The following SLC35F4 variants were observed in gnomAD, a reference collection of about 807,000 sequenced individuals.
SLC35F4 encodes solute carrier family 35 member F4.
In SLC35F4, 24 loss-of-function variants were observed where a neutral mutation model predicts 44.2. The observed-to-expected ratio is 0.54, with a 90% CI of 0.39 to 0.76. The LOEUF is 0.76. SLC35F4 is among the 30% of genes least tolerant of loss of function. The pLI is 0.00. For synonymous variants in SLC35F4, 238 were observed against 223.6 expected (o/e 1.06, Z -0.57); for missense variants, 562 against 586.1 (o/e 0.96, Z 0.42).
chr14:57,745,153 C>A (rs2076721419), intron 1 of SLC35F4, among the ~76,000 whole-genome samples: 1 of 152,148 alleles, frequency 6.6e-6, no homozygotes, highest in Admixed American at 6.5e-5. Flanking sequence ...TAGGCAATAC[C>A]ATTCAGGACA....
rs774550889 is a variant in SLC35F4, at chr14:57,569,882, G to T, written c.1032C>A (p.Thr344=). Residue 344 remains threonine, a synonymous_variant, in exon 6 of 8, where the codon ACC becomes ACA. Coordinates refer to ENST00000556826, the MANE Select transcript of SLC35F4 (RefSeq NM_001306087.2). ...GFFNLIFISF[T]PVILYFTKVE... Reference sequence around the variant, plus strand: ...CCTTGGTGAAATACAAGATGACTGGGGTGAAGGAGATGAAGATCAAATTGA... The same window carrying T: ...CCTTGGTGAAATACAAGATGACTGGTGTGAAGGAGATGAAGATCAAATTGA... 17 of 1,612,270 alleles carry T rather than the reference G, an allele frequency of 1.1e-5. No individual in the cohort carries two copies. Among genetic ancestry groups the T allele is most frequent in the Non-Finnish European group, 1.4e-5 (17 of 1,179,242 alleles).
intron 1 of SLC35F4, among the ~76,000 whole-genome samples, chr14:57,604,780 T>C (rs950604535): frequency 1.3e-5 from 2 of 152,070 alleles, no homozygotes; most frequent in Non-Finnish European, 2.9e-5. Context: ...TGGAACAGAA[T>C]AGAGAACCCA....
intron 1 of SLC35F4, among the ~76,000 whole-genome samples, chr14:57,944,802 G>T (rs115498233): frequency 2.6e-5 from 4 of 151,832 alleles, no homozygotes; most frequent in African/African-American, 4.8e-5. Context: ...AAAGAAAAAA[G>T]AAAAGAAAAC....
chr14:57,711,124 G>T (rs953060290), intron 1 of SLC35F4, among the ~76,000 whole-genome samples: 5 of 152,078 alleles, frequency 3.3e-5, no homozygotes, highest in Admixed American at 1.3e-4. Context: ...GTAGTGATTG[G>T]ATCATGGGGT....
At chr14:57,781,942 A>C (rs2077631300) in intron 1 of SLC35F4, among the ~76,000 whole-genome samples, 1 of 152,170 alleles carries the variant, frequency 6.6e-6, no homozygotes, top group Non-Finnish European at 1.5e-5. Flanking sequence ...GGAGAAGAGC[A>C]GAAAAAATAA....
At chr14:57,758,882 A>G (rs2077057580) in intron 1 of SLC35F4, among the ~76,000 whole-genome samples, 1 of 151,986 alleles carries the variant, frequency 6.6e-6, no homozygotes. Flanking sequence ...TTGAACAGGA[A>G]CTCTCCATTT....
In SLC35F4 at chr14:57,660,085, G is replaced by C. The variant is rs530075041; in HGVS notation, c.104-65961C>G. On this transcript the variant is annotated intron_variant, in intron 1 of 7. Coordinates refer to ENST00000556826, the MANE Select transcript of SLC35F4 (RefSeq NM_001306087.2). Reference sequence around the variant, plus strand: ...GCAAATGCTTGGAAGATATGTGTTGGTTTGACTTGCATATCTATTTGTGAG... The same window carrying C: ...GCAAATGCTTGGAAGATATGTGTTGCTTTGACTTGCATATCTATTTGTGAG... 2.6e-5 allele frequency among the ~76,000 whole-genome samples: 4 copies of C among 152,270 alleles called. No individual in the cohort carries two copies. The East Asian group carries it at 5.8e-4, about 22-fold the overall frequency.
At chr14:57,734,285 T>C (rs1566806203) in intron 1 of SLC35F4, among the ~76,000 whole-genome samples, 2 of 152,314 alleles carry the variant, frequency 1.3e-5, no homozygotes, top group East Asian at 3.9e-4. Flanking sequence ...CTTTTTATGA[T>C]AGGGTTACTA....
intron 1 of SLC35F4, among the ~76,000 whole-genome samples, chr14:57,951,128 G>C (rs1890132214): frequency 6.6e-6 from 1 of 152,166 alleles, no homozygotes; most frequent in Non-Finnish European, 1.5e-5. Context: ...GGACTGGTTA[G>C]ACAATGGGTA....
intron 1 of SLC35F4, among the ~76,000 whole-genome samples, chr14:57,646,391 A>G (rs772305035): frequency 6.6e-6 from 1 of 151,838 alleles, no homozygotes. Flanking sequence ...TTTCTTCTAG[A>G]TTTTCTAGTT....
intron 1 of SLC35F4, among the ~76,000 whole-genome samples, chr14:57,807,926 G>C (rs942687659): frequency 6.6e-6 from 1 of 151,730 alleles, no homozygotes; most frequent in Non-Finnish European, 1.5e-5. Flanking sequence ...AGGAGCAAAG[G>C]CATGTTTTAC....
chr14:57,778,221 A>G (rs1045233390), intron 1 of SLC35F4, among the ~76,000 whole-genome samples: 1 of 152,230 alleles, frequency 6.6e-6, no homozygotes, highest in African/African-American at 2.4e-5. Flanking sequence ...TGGCTATGCC[A>G]GCCACATGGA....
intron 1 of SLC35F4, among the ~76,000 whole-genome samples, chr14:57,882,527 A>C (rs539056030): frequency 6.6e-6 from 1 of 152,280 alleles, no homozygotes; most frequent in Middle Eastern, 3.4e-3. Context: ...CAGCCAAGCT[A>C]CTATAGGCAG....
At chr14:57,719,356 G>T (rs890674810) in intron 1 of SLC35F4, among the ~76,000 whole-genome samples, 3 of 152,162 alleles carry the variant, frequency 2.0e-5, no homozygotes, top group African/African-American at 7.2e-5. Flanking sequence ...TTTCTGTGAA[G>T]ACTGTCCTTG....
intron 1 of SLC35F4, among the ~76,000 whole-genome samples, chr14:57,657,101 G>A (rs2073993856): frequency 6.6e-6 from 1 of 152,176 alleles, no homozygotes; most frequent in Non-Finnish European, 1.5e-5. Context: ...GCATCACCTG[G>A]ATCTTTTTGA....
intron 1 of SLC35F4, among the ~76,000 whole-genome samples, chr14:57,665,162 A>G (rs1319381276): frequency 6.6e-6 from 1 of 152,006 alleles, no homozygotes; most frequent in Non-Finnish European, 1.5e-5. Context: ...CACACCTTAA[A>G]GACTGGGAAC....
intron 1 of SLC35F4, among the ~76,000 whole-genome samples, chr14:57,884,816 T>C (rs551279717): frequency 6.6e-5 from 10 of 152,288 alleles, no homozygotes; most frequent in African/African-American, 2.4e-4. Flanking sequence ...CCCTATGCCA[T>C]TGACTCCCCA....
intron 1 of SLC35F4, among the ~76,000 whole-genome samples, chr14:57,862,418 T>G (rs1270518034): frequency 1.3e-5 from 2 of 152,152 alleles, no homozygotes; most frequent in Admixed American, 1.3e-4. Context: ...CTCCCAAAAC[T>G]CTTCAAATGC....
At position 57,566,466 on chromosome 14, in the gene SLC35F4, T is replaced by A. The variant is rs1189075087; in HGVS notation, c.1216+9A>T. On this transcript the variant is annotated intron_variant, in intron 7 of 7. Coordinates refer to ENST00000556826, the MANE Select transcript of SLC35F4 (RefSeq NM_001306087.2). The stretch of plus-strand genomic sequence containing the variant: ...GCCAGGATCTGCACATGTCACATGG[T>A]GCCTGTACCTGCATTTCCAGGAACG... The A allele has an allele frequency of 2.5e-6, 4 of 1,581,144 alleles. No homozygotes were observed. The highest frequency in any genetic ancestry group is 3.4e-6 in the Non-Finnish European group (4 of 1,163,058).
Sources: gnomAD v4.1 joint callset for allele counts (sites outside exome capture counted in the v4.1 genomes callset) on GRCh38, gnomAD v4.1.1 for gene constraint, MANE v1.5 for transcripts, NCBI Gene and HGNC (gene_info 2026-07-23, HGNC 2026-07-21) for gene names.